Variants in MTCL2 observed in about 807,000 individuals in gnomAD.
MTCL2 encodes the protein microtubule cross-linking factor 2.
chr20:36,813,752 CAAAAAAAA>C, the MTCL2 span, among the ~76,000 whole-genome samples: 2 of 65,846 alleles, frequency 3.0e-5, no homozygotes, highest in South Asian at 2.1e-3. Context: ...GACTCTGTCT[CAAAAAAAA>C]AAAAAAAAAA....
chr20:36,793,522 G>A, the MTCL2 span: 3 of 1,551,716 alleles, frequency 1.9e-6, no homozygotes, highest in African/African-American at 1.4e-5. The surrounding 1 kb of genome is among the most constrained non-coding windows in gnomAD (Gnocchi z 6.8). Context: ...TGGGAGGCTC[G>A]GGCTTGGCCC....
the MTCL2 span, among the ~76,000 whole-genome samples, chr20:36,807,476 A>G: frequency 6.6e-6 from 1 of 152,116 alleles, no homozygotes; most frequent in African/African-American, 2.4e-5. Flanking sequence ...GTCAACTAAG[A>G]TGAGTGTGAC....
the MTCL2 span, among the ~76,000 whole-genome samples, chr20:36,810,717 C>CCTCTCTCTCCCT: frequency 5.3e-5 from 5 of 94,194 alleles, no homozygotes; most frequent in Non-Finnish European, 8.3e-5. Flanking sequence ...TCTCTCTCTC[C>CCTCTCTCTCCCT]CTCTCTCTCT....
chr20:36,831,931 T>C, the MTCL2 span, among the ~76,000 whole-genome samples: 1 of 152,180 alleles, frequency 6.6e-6, no homozygotes. Context: ...AACTCACTCA[T>C]ACTCACTCAC....
chr20:36,827,963 C>T, the MTCL2 span, among the ~76,000 whole-genome samples: 3 of 152,334 alleles, frequency 2.0e-5, no homozygotes, highest in Middle Eastern at 3.4e-3. Flanking sequence ...TCTCCCTGCA[C>T]ACTGAGAGGG....
At chr20:36,784,819 G>C in the MTCL2 span, 1 of 985,582 alleles carries the variant, frequency 1.0e-6, no homozygotes, top group Non-Finnish European at 1.2e-6. Flanking sequence ...AAGGCTGGCA[G>C]GCTGGTGAGA....
At chr20:36,844,111 C>T in the MTCL2 span, among the ~76,000 whole-genome samples, 3 of 152,034 alleles carry the variant, frequency 2.0e-5, no homozygotes, top group African/African-American at 4.8e-5. Context: ...TGGTGCACGC[C>T]TGTAATCCCA....
chr20:36,846,828 G>A, the MTCL2 span, among the ~76,000 whole-genome samples: 4 of 152,200 alleles, frequency 2.6e-5, no homozygotes, highest in African/African-American at 9.7e-5. Flanking sequence ...CCAACATGGT[G>A]AAACCCCATC....
chr20:36,797,612 A>G, the MTCL2 span: 283 of 1,540,380 alleles, frequency 1.8e-4, no homozygotes, highest in African/African-American at 3.4e-3. Flanking sequence ...TAATGGGCAA[A>G]GCTGGTATGC....
chr20:36,792,233 C>T, the MTCL2 span, among the ~76,000 whole-genome samples: 2 of 152,122 alleles, frequency 1.3e-5, no homozygotes, highest in Non-Finnish European at 2.9e-5. Flanking sequence ...TGTGGCCAGG[C>T]GCGGTGGCTC....
chr20:36,783,428 GC>G, the MTCL2 span: 1 of 152,246 alleles, frequency 6.6e-6, no homozygotes, highest in East Asian at 1.9e-4. Flanking sequence ...CCAGTTTAGG[GC>G]CATCATGCCA....
chr20:36,813,264 G>A, the MTCL2 span, among the ~76,000 whole-genome samples: 1 of 117,784 alleles, frequency 8.5e-6, no homozygotes, highest in Non-Finnish European at 1.6e-5. Context: ...AGCGAGCTGT[G>A]ATCATACCAT....
the MTCL2 span, among the ~76,000 whole-genome samples, chr20:36,820,629 G>T: frequency 6.6e-6 from 1 of 152,122 alleles, no homozygotes; most frequent in Non-Finnish European, 1.5e-5. Flanking sequence ...ATCACCTGAG[G>T]CCAGGAGTTT....
chr20:36,847,118 G>A, the MTCL2 span, among the ~76,000 whole-genome samples: 1 of 152,218 alleles, frequency 6.6e-6, no homozygotes, highest in South Asian at 2.1e-4. Context: ...CCGACCCTGT[G>A]AGGTAGGTGC....
At chr20:36,801,205 T>C in the MTCL2 span, among the ~76,000 whole-genome samples, 1 of 152,062 alleles carries the variant, frequency 6.6e-6, no homozygotes, top group Non-Finnish European at 1.5e-5. Context: ...CACAACCAGC[T>C]TCAGGTCACA....
At chr20:36,856,857 T>C in the MTCL2 span, among the ~76,000 whole-genome samples, 673 of 152,108 alleles carry the variant, frequency 4.4e-3, 1 homozygote, top group African/African-American at 0.015. Flanking sequence ...TGTGTGTGTG[T>C]GCGTGCGCGC....
At chr20:36,796,767 G>A in the MTCL2 span, 1 of 985,682 alleles carries the variant, frequency 1.0e-6, no homozygotes. Context: ...CAAAGGGGCG[G>A]GGCAGGGCTG....
chr20:36,829,053 C>T, the MTCL2 span: 2 of 1,545,840 alleles, frequency 1.3e-6, no homozygotes, highest in Non-Finnish European at 1.7e-6. Flanking sequence ...GAGGTCCTCA[C>T]CTCTCTCGGT....
the MTCL2 span, among the ~76,000 whole-genome samples, chr20:36,824,574 T>C: frequency 6.6e-6 from 1 of 152,300 alleles, no homozygotes; most frequent in African/African-American, 2.4e-5. Context: ...TGTTCTGGAA[T>C]TAGATAATGG....
Sources: gnomAD v4.1 joint callset for allele counts (sites outside exome capture counted in the v4.1 genomes callset) on GRCh38, gnomAD v4.1.1 for gene constraint, Gnocchi (gnomAD v3.1) non-coding constraint, MANE v1.5 for transcripts, NCBI Gene and HGNC (gene_info 2026-07-23, HGNC 2026-07-21) for gene names.